ANKRD17: variants seen among roughly 807,000 people sequenced by gnomAD.
ANKRD17 encodes ankyrin repeat domain 17.
A neutral mutation model predicts 229.7 loss-of-function variants in ANKRD17; 19 were observed. That is an observed-to-expected ratio of 0.08 (90% CI 0.06 to 0.12). ANKRD17 has a LOEUF of 0.12. Among genes scored for constraint, ANKRD17 ranks in the 10% least tolerant of loss-of-function variants. The probability of loss-of-function intolerance (pLI) is 1.00; values close to 1 mark genes in which losing one functional copy is unlikely to be tolerated. For synonymous variants in ANKRD17, 1,112 were observed against 1,146.1 expected (o/e 0.97, Z 0.60); for missense variants, 2,176 against 3,176.8 (o/e 0.68, Z 7.57).
At chr4:73,095,930 T>C (rs1158174523) in intron 27 of ANKRD17, among the ~76,000 whole-genome samples, 2 of 152,136 alleles carry the variant, frequency 1.3e-5, no homozygotes, top group Non-Finnish European at 2.9e-5. Context: ...TCTCAAGTGA[T>C]CCTCTTGTCT....
At chr4:73,202,757 T>C (rs1738848783) in intron 1 of ANKRD17, among the ~76,000 whole-genome samples, 1 of 152,114 alleles carries the variant, frequency 6.6e-6, no homozygotes, top group Non-Finnish European at 1.5e-5. Context: ...TTCAACAATA[T>C]AATATCACAA....
chr4:73,206,695 C>T lies in ANKRD17; in HGVS notation c.394-29162G>A, dbSNP rs562248756. Among the ~76,000 whole-genome samples the T allele has an allele frequency of 4.6e-5, 7 of 152,004 alleles. No homozygotes were observed. In the East Asian group the frequency reaches 1.3e-3, roughly 29 times the overall value. The stretch of plus-strand genomic sequence containing the variant: ...GAAGGTGAGGGGTCAGGAGGGTGGA[C>T]CAGAAAGATGTTGGTCAAAGGACAG... On this transcript the variant is annotated intron_variant, in intron 1 of 33. Transcript: ENST00000358602.
chr4:73,089,267 C>A (rs1470753658), intron 29 of ANKRD17, among the ~76,000 whole-genome samples: 5 of 151,930 alleles, frequency 3.3e-5, no homozygotes, highest in Non-Finnish European at 7.4e-5. Flanking sequence ...AACTCCTGGG[C>A]TTAAGCAATC....
rs138532082 is a variant in ANKRD17, at chr4:73,168,564, A to G, written c.548-7216T>C. Among the ~76,000 whole-genome samples the G allele has an allele frequency of 3.3e-5, 5 of 152,326 alleles. No individual in the cohort carries two copies. In the East Asian group the frequency reaches 9.6e-4, roughly 29 times the overall value. On this transcript the variant is annotated intron_variant, in intron 2 of 33. Coordinates refer to ENST00000358602, the MANE Select transcript of ANKRD17 (RefSeq NM_032217.5). ...AGGTTTCAGCCTACAGTCTCTAACAAACAAGTGGGGAAAATTATATATTGT... is the reference window on the plus strand; with the variant it reads ...AGGTTTCAGCCTACAGTCTCTAACAGACAAGTGGGGAAAATTATATATTGT...
Position 73,075,002 on chromosome 4 carries a change from ATC to A in ANKRD17, c.*1227_*1228del, listed in dbSNP as rs1243684982. 1.3e-5 allele frequency: 2 copies of A among 152,456 alleles called. No individual in the cohort carries two copies. The highest frequency in any genetic ancestry group is 1.3e-4 in the Admixed American group (2 of 15,262). The allele number at this position is 152,456 out of a possible 1,614,324, so 9.4% of individuals were successfully genotyped here. On this transcript the variant is annotated 3_prime_UTR_variant, in exon 34 of 34. Coordinates refer to ENST00000358602, the MANE Select transcript of ANKRD17 (RefSeq NM_032217.5). ...ACTTTACACTGTAATCTGTGTATTT[ATC>A]TGTCTACCATAAATTGTCTTCGTGA...
intron 2 of ANKRD17, among the ~76,000 whole-genome samples, chr4:73,170,717 C>T (rs562682471): frequency 7.9e-5 from 12 of 152,230 alleles, no homozygotes; most frequent in Admixed American, 7.8e-4. Flanking sequence ...GCTTTAACTG[C>T]ACATTGGCGG....
Position 73,074,125 on chromosome 4 carries a change from A to T in ANKRD17, c.*2106T>A, listed in dbSNP as rs999316400. 3.9e-5 allele frequency: 6 copies of T among 152,158 alleles called. No individual in the cohort carries two copies. Among genetic ancestry groups the T allele is most frequent in the African/African-American group, 1.2e-4 (5 of 41,566 alleles). 9.4% of individuals were successfully genotyped at this position (152,158 alleles called of 1,614,324 possible). ...TGATCCCCAAGACTAAATACGGAGC[A>T]TTTCAATCTATATCCCCTGGCCCCA... On this transcript the variant is annotated 3_prime_UTR_variant, in exon 34 of 34. Transcript: ENST00000358602.
intron 1 of ANKRD17, among the ~76,000 whole-genome samples, chr4:73,213,031 GAAAAA>G (rs11371589): frequency 8.4e-5 from 11 of 131,328 alleles, no homozygotes; most frequent in African/African-American, 2.3e-4. Context: ...CGTTTCAGGG[GAAAAA>G]AAAAAAAAAA....
At chr4:73,185,799 A>G (rs1050303498) in intron 1 of ANKRD17, among the ~76,000 whole-genome samples, 6 of 152,230 alleles carry the variant, frequency 3.9e-5, no homozygotes, top group Non-Finnish European at 7.4e-5. Context: ...GGCTATGTGA[A>G]CATAATTGAA....
intron 16 of ANKRD17, among the ~76,000 whole-genome samples, chr4:73,130,610 AT>A (rs59923210): frequency 1.2e-3 from 178 of 146,374 alleles, no homozygotes; most frequent in African/African-American, 3.4e-3. Context: ...ATAAAGATCT[AT>A]TTTTTTTTTT....
intron 1 of ANKRD17, among the ~76,000 whole-genome samples, chr4:73,198,723 A>G (rs1045497201): frequency 6.6e-6 from 1 of 152,214 alleles, no homozygotes; most frequent in African/African-American, 2.4e-5. Flanking sequence ...GATTAAATCA[A>G]AATTATAAAT....
chr4:73,223,331 A>G (rs1305328553), intron 1 of ANKRD17, among the ~76,000 whole-genome samples: 6 of 152,184 alleles, frequency 3.9e-5, no homozygotes, highest in Non-Finnish European at 8.8e-5. Context: ...GAAATAACAT[A>G]TTTTTTAAAA....
chr4:73,215,703 A>G (rs937802964), intron 1 of ANKRD17, among the ~76,000 whole-genome samples: 1 of 152,248 alleles, frequency 6.6e-6, no homozygotes, highest in Non-Finnish European at 1.5e-5. Context: ...CAGAAAGTTC[A>G]CCGGTAATTG....
At chr4:73,177,962 T>C (rs573137129) in intron 1 of ANKRD17, among the ~76,000 whole-genome samples, 2 of 152,290 alleles carry the variant, frequency 1.3e-5, no homozygotes, top group Admixed American at 1.3e-4. Flanking sequence ...TATTTCTTGA[T>C]ATTTACCATA....
chr4:73,151,382 C>T (rs1375695813), intron 7 of ANKRD17, 48 bp downstream of exon 7: 3 of 1,553,846 alleles, frequency 1.9e-6, no homozygotes. Flanking sequence ...TACTCTGTCT[C>T]TCCCTGGTTA....
chr4:73,171,668 A>C (rs1390786607), intron 2 of ANKRD17, among the ~76,000 whole-genome samples: 3 of 152,204 alleles, frequency 2.0e-5, no homozygotes, highest in Non-Finnish European at 4.4e-5. Context: ...ATTAAAGATA[A>C]CACAGAGAAG....
chr4:73,106,620 C>T (rs1227618800), intron 24 of ANKRD17, among the ~76,000 whole-genome samples: 1 of 152,132 alleles, frequency 6.6e-6, no homozygotes, highest in Non-Finnish European at 1.5e-5. Context: ...GTGGCTCACG[C>T]CTGTAATCCC....
intron 18 of ANKRD17, among the ~76,000 whole-genome samples, chr4:73,122,551 C>T (rs1017076601): frequency 2.0e-5 from 3 of 152,070 alleles, no homozygotes; most frequent in Admixed American, 2.0e-4. Context: ...CCTAAACAAT[C>T]CTTTGACACA....
chr4:73,201,154 T>C (rs530778983), intron 1 of ANKRD17, among the ~76,000 whole-genome samples: 13 of 152,066 alleles, frequency 8.5e-5, no homozygotes, highest in Non-Finnish European at 1.5e-4. Context: ...AAAAGACACA[T>C]TTATTTAAAA....
Sources: gnomAD v4.1 joint callset for allele counts (sites outside exome capture counted in the v4.1 genomes callset) on GRCh38, gnomAD v4.1.1 for gene constraint, MANE v1.5 for transcripts, NCBI Gene and HGNC (gene_info 2026-07-23, HGNC 2026-07-21) for gene names.